The following HR variants were observed in gnomAD, a reference collection of about 807,000 sequenced individuals.
The protein encoded by HR is lysine-specific demethylase hairless.
HR carries 83 observed loss-of-function variants against 128.6 expected under a neutral mutation model. That is an observed-to-expected ratio of 0.65 (90% CI 0.54 to 0.77). The LOEUF (loss-of-function observed/expected upper bound fraction) is 0.77. Among genes scored for constraint, HR ranks in the 30% least tolerant of loss-of-function variants. The pLI is 0.00. For synonymous variants in HR, 681 were observed against 658.2 expected, an observed-to-expected ratio of 1.03 and a Z score of -0.53; for missense variants, 1,490 against 1,574.6, an observed-to-expected ratio of 0.95 and a Z score of 0.91.
At chr8:22,121,469 T>G in intron 9 of HR, 144 bp downstream of exon 9, 1 of 938,290 alleles carries the variant, frequency 1.1e-6, no homozygotes, top group Non-Finnish European at 1.7e-6. Flanking sequence ...TTTGGAGGCA[T>G]GTCCTGAGGG....
chr8:22,116,805 C>T lies in HR; in HGVS notation c.3378+70G>A, dbSNP rs935040687. The T allele has an allele frequency of 3.1e-5, 47 of 1,523,372 alleles. 1 individual carries two copies. The East Asian group carries it at 1.0e-3, about 32-fold the overall frequency. 94.4% of individuals were successfully genotyped at this position (1,523,372 alleles called of 1,614,324 possible). A position where few individuals can be genotyped will look rare whatever the true frequency, so the allele number is the denominator to read the frequency against. On this transcript the variant is annotated intron_variant, in intron 17 of 18. Transcript: ENST00000381418. This position sits in a 1 kb window ranked among gnomAD's most constrained non-coding sequence, Gnocchi z 4.2. ...TTGGGTATTGAGGGGATGTTGGATG[C>T]CTGCGGCCTTGATTGGGTCGCTTCT...
intron 2 of HR, chr8:22,128,338 G>T: frequency 1.6e-6 from 1 of 635,868 alleles, no homozygotes; most frequent in Non-Finnish European, 2.8e-6. Flanking sequence ...GTGAGTCAGT[G>T]GCTGCAATGA....
rs994258864 is a variant in HR, at chr8:22,120,961, G to A, written c.2368-3C>T. 1 of 1,600,306 alleles carries A rather than the reference G, an allele frequency of 6.2e-7. No homozygotes were observed. The highest frequency in any genetic ancestry group is 1.3e-5 in the African/African-American group (1 of 74,762). On this transcript the variant is annotated splice_polypyrimidine_tract_variant and splice_region_variant and intron_variant, in intron 10 of 18. Transcript: ENST00000381418. The stretch of plus-strand genomic sequence containing the variant: ...AGGATGTTGGTGATGCGGTCATCCT[G>A]CAGAGAGGGGCACAGGGGCTTAGGA...
At position 22,125,304 on chromosome 8, in the gene HR, T is replaced by C. The variant is rs1359347726; in HGVS notation, c.1750+7A>G. ...GACCCCACGCAGACCCAGGAGGTCC[T>C]GTTCACCTTCCCGCTGGGCCCAAGC... On this transcript the variant is annotated splice_region_variant and intron_variant, in intron 5 of 18. Transcript: ENST00000381418. 6.4e-7 allele frequency: 1 copy of C among 1,564,196 alleles called. No individual in the cohort carries two copies. Among genetic ancestry groups the C allele is most frequent in the East Asian group, 2.4e-5 (1 of 42,060 alleles).
At chr8:22,121,584 C>G in intron 9 of HR, 29 bp downstream of exon 9, 1 of 1,611,988 alleles carries the variant, frequency 6.2e-7, no homozygotes, top group Non-Finnish European at 8.5e-7. Flanking sequence ...CCCTCTTGCA[C>G]AGGCCGAGGG....
At chr8:22,121,015 C>T in intron 10 of HR, 50 bp downstream of exon 10, 1 of 1,612,820 alleles carries the variant, frequency 6.2e-7, no homozygotes, top group Non-Finnish European at 8.5e-7. Flanking sequence ...GAGGGCAGGC[C>T]CAGCCTCTGG....
intron 7 of HR, 41 bp downstream of exon 7, chr8:22,122,749 G>A (rs1030839414): frequency 3.9e-6 from 6 of 1,534,778 alleles, no homozygotes; most frequent in Non-Finnish European, 5.3e-6. Flanking sequence ...TCTCCCTCAG[G>A]ACCCAACCTC....
chr8:22,120,804 G>A lies in HR; in HGVS notation c.2522C>T (p.Pro841Leu), dbSNP rs1350342566. 1.9e-6 allele frequency: 3 copies of A among 1,545,418 alleles called. No individual in the cohort carries two copies. Among genetic ancestry groups the A allele is most frequent in the Non-Finnish European group, 1.7e-6 (2 of 1,143,316 alleles). ...PLSPVRPRLP[P>L]PGALLWLQEP... is the part of the protein sequence containing the mutation. ...CTGCAGCCACAGCAAAGCCCCTGGG[G>A]GAGGCAGCCGGGGCCGCACTGGAGA... is the stretch of plus-strand genomic sequence containing the variant. Residue 841 changes from proline (P) to leucine (L), a missense_variant, in exon 11 of 19, where the codon CCC becomes CTC. Coordinates refer to ENST00000381418, the MANE Select transcript of HR (RefSeq NM_005144.5).
rs1826609697 is a variant in HR, at chr8:22,117,020, C to T, written c.3233G>A (p.Gly1078Asp). Residue 1078 changes from glycine to aspartate, a missense_variant, in exon 17 of 19, where the codon GGC becomes GAC. Gly to Asp is a moderately conservative substitution (Grantham distance 94, BLOSUM62 -1). Around this residue, in one of 3 missense-constraint regions of HR, gnomAD observed 423 missense variants for 495.9 expected, o/e 0.85. Transcript: ENST00000381418. ...GCCTGGGGCGCCAGGCTCCAGGGCG[C>T]CTGCCCCGGCCGGGCACACCTCAAA... ...FLQMVCPAGA[G>D]ALEPGAPGSC... is the part of the protein sequence containing the mutation. 1.3e-6 allele frequency: 2 copies of T among 1,510,386 alleles called. No individual in the cohort carries two copies. The highest frequency in any genetic ancestry group is 1.8e-6 in the Non-Finnish European group (2 of 1,135,132). 93.6% of individuals were successfully genotyped at this position (1,510,386 alleles called of 1,614,324 possible). A position where few individuals can be genotyped will look rare whatever the true frequency, so the allele number is the denominator to read the frequency against.
chr8:22,125,408 G>C lies in HR; in HGVS notation c.1653C>G (p.Ser551Arg). 6.2e-7 allele frequency: 1 copy of C among 1,612,506 alleles called. No homozygotes were observed. ...GPGSGPDSRL[S>R]TGLAKHLLSG... ...TGAGCAGGTGCTTGGCGAGGCCTGT[G>C]CTGAGCCGGCTGTCAGGGCCGGACC... Residue 551 changes from serine to arginine, a missense_variant, in exon 5 of 19, where the codon AGC becomes AGG. Coordinates refer to ENST00000381418, the MANE Select transcript of HR (RefSeq NM_005144.5).
chr8:22,123,617 T>TGGGGGGCCCCCCCCCCCCCCC, intron 6 of HR, 32 bp downstream of exon 6: 2 of 292,092 alleles, frequency 6.8e-6, no homozygotes, highest in Non-Finnish European at 1.2e-5. Context: ...GAGGGCTCCA[T>TGGGGGGCCCCCCCCCCCCCCC]CCCGCCCTCC....
At chr8:22,123,617 T>TGGGGGGGGGGCCCC in intron 6 of HR, 32 bp downstream of exon 6, 2 of 292,092 alleles carry the variant, frequency 6.8e-6, no homozygotes, top group Non-Finnish European at 1.2e-5. Context: ...GAGGGCTCCA[T>TGGGGGGGGGGCCCC]CCCGCCCTCC....
Position 22,130,600 on chromosome 8 carries a change from C to T in HR, c.-213G>A. 1 of 152,292 alleles carries T rather than the reference C, an allele frequency of 6.6e-6. No individual in the cohort carries two copies. The highest frequency in any genetic ancestry group is 1.5e-5 in the Non-Finnish European group (1 of 68,056). The allele number at this position is 152,292 out of a possible 1,614,324, so 9.4% of individuals were successfully genotyped here. On this transcript the variant is annotated 5_prime_UTR_variant, in exon 1 of 19. Coordinates refer to ENST00000381418, the MANE Select transcript of HR (RefSeq NM_005144.5). ...TCTCCTTCCCCCGGGGCGGCGGGGGCGCTCTAGGGCCGCAGGTTGGAGGGG... is the reference window on the plus strand; with the variant it reads ...TCTCCTTCCCCCGGGGCGGCGGGGGTGCTCTAGGGCCGCAGGTTGGAGGGG...
At chr8:22,128,127 A>AC (rs1362261561) in intron 2 of HR, 2 of 548,110 alleles carry the variant, frequency 3.6e-6, no homozygotes, top group Non-Finnish European at 6.6e-6. Flanking sequence ...CCTGTGCCAT[A>AC]CTGAGTTTTA....
chr8:22,121,134 C>G lies in HR; in HGVS notation c.2298G>C (p.Ala766=). The change falls in exon 10 of 19, where the codon GCG becomes GCC. Residue 766 remains alanine (A), a synonymous_variant. Coordinates refer to ENST00000381418, the MANE Select transcript of HR (RefSeq NM_005144.5). Reference sequence around the variant, plus strand: ...GCTCATGGCCCAAGCAGAGTTTGACCGCGGTAGAAGCCAGCAGTTCGCAGA... The same window carrying G: ...GCTCATGGCCCAAGCAGAGTTTGACGGCGGTAGAAGCCAGCAGTTCGCAGA... The part of the protein sequence containing the change: ...PSLCELLAST[A]VKLCLGHERI... 2 of 1,613,924 alleles carry G rather than the reference C, an allele frequency of 1.2e-6. No homozygotes were observed. Among genetic ancestry groups the G allele is most frequent in the Non-Finnish European group, 1.7e-6 (2 of 1,180,026 alleles).
chr8:22,126,987 C>T, intron 3 of HR, 50 bp downstream of exon 3: 1 of 1,548,428 alleles, frequency 6.5e-7, no homozygotes. Context: ...AGCCCCAGCC[C>T]CGGCTGCCCC....
In HR at chr8:22,116,762, C is replaced by A; in HGVS notation, c.3378+113G>T. The A allele has an allele frequency of 3.5e-6, 5 of 1,412,760 alleles. No homozygotes were observed. Among genetic ancestry groups the A allele is most frequent in the Non-Finnish European group, 4.8e-6 (5 of 1,035,622 alleles). The allele number at this position is 1,412,760 out of a possible 1,614,324, so 87.5% of individuals were successfully genotyped here. On this transcript the variant is annotated intron_variant, in intron 17 of 18. Transcript: ENST00000381418. This position sits in a 1 kb window ranked among gnomAD's most constrained non-coding sequence, Gnocchi z 4.2. ...CTCTTCCCCACAGCAGCGTGCGGCT[C>A]CCTGCCCTGCCCGGCTCTTGGGTAT...
intron 6 of HR, 32 bp downstream of exon 6, chr8:22,123,617 T>TGGGGCCCCCCC: frequency 3.4e-6 from 1 of 292,092 alleles, no homozygotes; most frequent in Non-Finnish European, 6.2e-6. Flanking sequence ...GAGGGCTCCA[T>TGGGGCCCCCCC]CCCGCCCTCC....
chr8:22,121,548 T>A, intron 9 of HR, 65 bp downstream of exon 9: 1 of 1,555,634 alleles, frequency 6.4e-7, no homozygotes, highest in Non-Finnish European at 8.9e-7. Context: ...GACTGTCCCC[T>A]CCTGCCTCAA....
Sources: allele counts gnomAD v4.1 joint callset, GRCh38; gene constraint gnomAD v4.1.1; regional missense constraint gnomAD v4.1.1; non-coding constraint Gnocchi (gnomAD v3.1); transcripts MANE v1.5; gene names NCBI Gene and HGNC (gene_info 2026-07-23, HGNC 2026-07-21).